The following PGAP6 variants were observed in gnomAD, a reference collection of about 807,000 sequenced individuals.
The protein encoded by PGAP6 is post-GPI attachment to proteins 6.
In PGAP6, 62 loss-of-function variants were observed where a neutral mutation model predicts 68.4. The observed-to-expected ratio is 0.91, with a 90% CI of 0.74 to 1.12. The LOEUF (loss-of-function observed/expected upper bound fraction) is 1.12, where lower values mean the gene tolerates loss of function less well. Among genes scored for constraint, PGAP6 ranks in the 50% most tolerant of loss-of-function variants. PGAP6 has a pLI of 0.00. For missense variants in PGAP6, 1,188 were observed against 1,068.5 expected, an observed-to-expected ratio of 1.11 and a Z score of -1.56; for synonymous variants, 575 against 474.0, an observed-to-expected ratio of 1.21 and a Z score of -2.77.
rs556219781 is a variant in PGAP6, at chr16:373,803, T to A, written c.1902+202A>T. Among the ~76,000 whole-genome samples, 13 of 139,294 alleles carry A rather than the reference T, an allele frequency of 9.3e-5. No homozygotes were observed. The East Asian group carries it at 2.6e-3, about 27-fold the overall frequency. 91.4% of individuals were successfully genotyped at this position (139,294 alleles called of 152,430 possible). ...GGATTACAGGTGTGAGCCACCATGC[T>A]CGGCCAAGGCATTACAGGTGTGAGC... On this transcript the variant is annotated intron_variant, in intron 11 of 12. Coordinates refer to ENST00000431232, the MANE Select transcript of PGAP6 (RefSeq NM_021259.3).
chr16:380,630 G>C (rs978719255), intron 1 of PGAP6, among the ~76,000 whole-genome samples: 1 of 152,226 alleles, frequency 6.6e-6, no homozygotes, highest in Non-Finnish European at 1.5e-5. Flanking sequence ...GCCTCCCAAA[G>C]TGCGGGATTG....
upstream of PGAP6, chr16:382,086 C>A: frequency 3.2e-6 from 1 of 310,486 alleles, no homozygotes. Context: ...ACGTGGGGCG[C>A]CGGTAGGGGG....
chr16:381,946 C>T lies in PGAP6; in HGVS notation c.-125G>A, dbSNP rs1237453841. 2.1e-6 allele frequency: 2 copies of T among 973,674 alleles called. No homozygotes were observed. Among genetic ancestry groups the T allele is most frequent in the African/African-American group, 1.8e-5 (1 of 56,426 alleles). 60.3% of individuals were successfully genotyped at this position (973,674 alleles called of 1,614,324 possible). A position where few individuals can be genotyped will look rare whatever the true frequency, so the allele number is the denominator to read the frequency against. On this transcript the variant is annotated 5_prime_UTR_variant, in exon 1 of 13. Transcript: ENST00000431232. ...GCCTCTGCCCCCGGCGCCCATGGCC[C>T]GGCCGGTCCCCGCCGCCGTCGCCCC...
chr16:382,411 G>C (rs1041780589), upstream of PGAP6: 1 of 378,002 alleles, frequency 2.6e-6, no homozygotes, highest in African/African-American at 2.1e-5. Context: ...CGGCGCGCGT[G>C]GGCCTGAGTC....
chr16:377,399 TG>T lies in PGAP6; in HGVS notation c.485del (p.Ser162TyrfsTer7), dbSNP rs1291792653. On this transcript the variant is annotated frameshift_variant, in exon 3 of 13. Coordinates refer to ENST00000431232, the MANE Select transcript of PGAP6 (RefSeq NM_021259.3). LOFTEE classifies it high-confidence loss of function. ...DWFVAAHLPP[S>X]SQKIELKGLA... ...TCACCTTCAACTCGATCTTCTGGGA[TG>T]AGGGGGGCAGGTGGGCGGCCACGAA... The T allele has an allele frequency of 1.2e-6, 2 of 1,602,288 alleles. No homozygotes were observed. The highest frequency in any genetic ancestry group is 2.7e-5 in the African/African-American group (2 of 74,686).
chr16:371,874 G>A lies in PGAP6; in HGVS notation c.*113C>T, dbSNP rs2054336048. 2 of 1,246,366 alleles carry A rather than the reference G, an allele frequency of 1.6e-6. No homozygotes were observed. Among genetic ancestry groups the A allele is most frequent in the Admixed American group, 2.3e-5 (1 of 44,340 alleles). The allele number at this position is 1,246,366 out of a possible 1,614,324, so 77.2% of individuals were successfully genotyped here. On this transcript the variant is annotated 3_prime_UTR_variant, in exon 13 of 13. Transcript: ENST00000431232. Reference sequence around the variant, plus strand: ...TAGGAGGAAGTAAGAGGGTATCTAGGCCAATTTATTCAGCTGGAAATCAAT... The same window carrying A: ...TAGGAGGAAGTAAGAGGGTATCTAGACCAATTTATTCAGCTGGAAATCAAT...
At chr16:386,750 G>A, upstream of PGAP6, 1 of 470,480 alleles carries the variant, frequency 2.1e-6, no homozygotes, top group Non-Finnish European at 3.9e-6. Flanking sequence ...AAAAAAATTG[G>A]CCTTTTCACA....
At chr16:373,675 G>A (rs1464982060) in intron 11 of PGAP6, among the ~76,000 whole-genome samples, 1 of 152,260 alleles carries the variant, frequency 6.6e-6, no homozygotes, top group East Asian at 1.9e-4. Flanking sequence ...GAGTGGCTGG[G>A]ACCACAGGCA....
In PGAP6 at chr16:376,661, A is replaced by G. The variant is rs1427670413; in HGVS notation, c.787T>C (p.Trp263Arg). Residue 263 changes from tryptophan to arginine, a missense_variant, in exon 5 of 13, where the codon TGG (tryptophan) becomes CGG (arginine). By Grantham distance (101) the Trp-to-Arg change is moderately radical. Coordinates refer to ENST00000431232, the MANE Select transcript of PGAP6 (RefSeq NM_021259.3). ...QKVLTCTGAP[W>R]PCRLLLPSPP... is the part of the protein sequence containing the mutation. Reference sequence around the variant, plus strand: ...GAGGGCAGCAGCAGGCGGCAGGGCCAGGGGGCACCGGTGCAGGTGAGCACC... The same window carrying G: ...GAGGGCAGCAGCAGGCGGCAGGGCCGGGGGGCACCGGTGCAGGTGAGCACC... The G allele has an allele frequency of 1.8e-5, 29 of 1,609,964 alleles. No homozygotes were observed. Among genetic ancestry groups the G allele is most frequent in the Non-Finnish European group, 2.4e-5 (28 of 1,178,812 alleles).
At position 374,225 on chromosome 16, in the gene PGAP6, G is replaced by C; in HGVS notation, c.1751C>G (p.Ser584Cys). ...ASVYAYTMFF[S>C]TFYHACDQPG... ...CTGCAGGAGGGGCCAGCCTACCGTG[G>C]AGAAGAACATGGTGTAGGCGTAGAC... The change falls in exon 10 of 13, where the codon TCC (serine) becomes TGC (cysteine). Residue 584 changes from serine to cysteine, a missense_variant. By Grantham distance (112) the Ser-to-Cys change is moderately radical. Transcript: ENST00000431232. 1 of 1,609,980 alleles carries C rather than the reference G, an allele frequency of 6.2e-7. No individual in the cohort carries two copies.
At position 374,326 on chromosome 16, in the gene PGAP6, C is replaced by T. The variant is rs1166939562; in HGVS notation, c.1650G>A (p.Leu550=). The change falls in exon 10 of 13, where the codon CTG becomes CTA. Residue 550 remains leucine, a synonymous_variant. Transcript: ENST00000431232. ...TVAQQRAATL[L]LTLSNLMFLA... is the part of the protein sequence containing the mutation. ...GGAACATGAGGTTGCTGAGCGTGAG[C>T]AGCAGTGTGGCCGCCCTCTGCTGGG... 1 of 1,604,858 alleles carries T rather than the reference C, an allele frequency of 6.2e-7. No homozygotes were observed. The highest frequency in any genetic ancestry group is 1.7e-5 in the Admixed American group (1 of 59,998).
At chr16:372,501 G>A (rs761261224) in intron 12 of PGAP6, 110 bp downstream of exon 12, 2 of 1,015,442 alleles carry the variant, frequency 2.0e-6, no homozygotes, top group Admixed American at 1.8e-5. Context: ...ACCCCCAGCA[G>A]ATATGGGCAT....
rs1181236961 is a variant in PGAP6 at position 372,021 on chromosome 16, T to C, written c.2282A>G (p.Lys761Arg). ...QKFPCHYQIC[K>R]NDREELYAVT ...TGCGTACAGTTCCTCCCGATCGTTC[T>C]TGCAGATCTGATAGTGGCAGGGGAA... is the stretch of plus-strand genomic sequence containing the variant. Residue 761 changes from lysine (K) to arginine (R), a missense_variant, in exon 13 of 13, where the codon AAG (lysine) becomes AGG (arginine). Transcript: ENST00000431232. 2 of 1,612,650 alleles carry C rather than the reference T, an allele frequency of 1.2e-6. No homozygotes were observed. Among genetic ancestry groups the C allele is most frequent in the East Asian group, 2.2e-5 (1 of 44,872 alleles).
rs749491361 is a variant in PGAP6, at chr16:376,269, A to G, written c.1091T>C (p.Val364Ala). Reference sequence around the variant, plus strand: ...GTCCAGGGGCTGGAAGTGCACCGACACCACGTCCATGTCCTCCCGCGTGAC... The same window carrying G: ...GTCCAGGGGCTGGAAGTGCACCGACGCCACGTCCATGTCCTCCCGCGTGAC... ...YPVTREDMDV[V>A]SVHFQPLDRV... Residue 364 changes from valine (V) to alanine (A), a missense_variant, in exon 6 of 13, where the codon GTG becomes GCG. Coordinates refer to ENST00000431232, the MANE Select transcript of PGAP6 (RefSeq NM_021259.3). 2 of 1,612,766 alleles carry G rather than the reference A, an allele frequency of 1.2e-6. No individual in the cohort carries two copies. The highest frequency in any genetic ancestry group is 3.3e-5 in the Admixed American group (2 of 60,022).
At chr16:379,643 C>G (rs1240613120) in intron 1 of PGAP6, among the ~76,000 whole-genome samples, 1 of 152,232 alleles carries the variant, frequency 6.6e-6, no homozygotes, top group African/African-American at 2.4e-5. Flanking sequence ...CTCAGCCCCT[C>G]TGGCCCTGGA....
Position 376,411 on chromosome 16 carries a change from T to G in PGAP6, c.949A>C (p.Ser317Arg). Residue 317 changes from serine to arginine, a missense_variant, in exon 6 of 13, where the codon AGC becomes CGC. By Grantham distance (110) the Ser-to-Arg change is moderately radical (BLOSUM62 -1). Transcript: ENST00000431232. ...GAGGCATTGAAGCTCTGGTTTTGGC[T>G]GCTCTGCAGAAGGGGCTGGATGGTC... ...SVTIQPLLQSSQNQSFNASSG... is the reference protein window; with the variant it reads ...SVTIQPLLQSRQNQSFNASSG... The G allele has an allele frequency of 6.3e-7, 1 of 1,598,006 alleles. No individual in the cohort carries two copies. Among genetic ancestry groups the G allele is most frequent in the Non-Finnish European group, 8.5e-7 (1 of 1,170,866 alleles).
chr16:386,726 CA>C (rs10544230), upstream of PGAP6: 68,519 of 308,150 alleles, frequency 0.22, 4,378 homozygotes, highest in African/African-American at 0.25. Flanking sequence ...AAAAAAAAAC[CA>C]AAAAAAAAAA....
At chr16:378,851 C>T (rs1037123566) in intron 1 of PGAP6, among the ~76,000 whole-genome samples, 4 of 152,242 alleles carry the variant, frequency 2.6e-5, no homozygotes, top group Non-Finnish European at 4.4e-5. Context: ...GCGTTCCAAG[C>T]GGGCAAGGCT....
intron 11 of PGAP6, 53 bp from the exon 12 acceptor site, chr16:372,780 A>G: frequency 7.3e-7 from 1 of 1,378,474 alleles, no homozygotes. Flanking sequence ...CTCAAGGCCC[A>G]GCAGGAGCAC....
Sources: allele counts gnomAD v4.1 joint callset (sites outside exome capture counted in the v4.1 genomes callset), GRCh38; gene constraint gnomAD v4.1.1; transcripts MANE v1.5; gene names NCBI Gene and HGNC (gene_info 2026-07-23, HGNC 2026-07-21).